Variants in PTPRF observed in about 807,000 individuals in gnomAD.
PTPRF encodes the protein protein tyrosine phosphatase receptor type F.
Under a neutral mutation model 201.8 loss-of-function variants are expected in PTPRF, and 59 were observed. That is an observed-to-expected ratio of 0.29 (90% confidence interval 0.24 to 0.36). PTPRF has a LOEUF of 0.36. Ranked by LOEUF, PTPRF falls within the 10% of genes least tolerant of loss-of-function variation. PTPRF has a pLI of 1.00. For missense variants in PTPRF, 2,132 were observed against 2,690.5 expected (o/e 0.79, Z 4.59); for synonymous variants, 1,088 against 1,089.7 (o/e 1.00, Z 0.03).
At chr1:43,620,052 G>T (rs1487105359) in intron 29 of PTPRF, 43 bp from the exon 30 acceptor site, 3 of 1,612,012 alleles carry the variant, frequency 1.9e-6, no homozygotes, top group Non-Finnish European at 1.7e-6. Context: ...AGACTCTAGG[G>T]GCAGCAGCAC....
chr1:43,606,271 AGCAGCG>A lies in PTPRF; in HGVS notation c.3518_3523del (p.Gln1173_Arg1174del), dbSNP rs776246354. 2.5e-6 allele frequency: 4 copies of A among 1,613,634 alleles called. No individual in the cohort carries two copies. The highest frequency in any genetic ancestry group is 1.7e-5 in the Admixed American group (1 of 59,984). On this transcript the variant is annotated inframe_deletion, in exon 20 of 34. Transcript: ENST00000359947. ...GAAGCCATCGAGCAAGGCGGAGAGG[AGCAGCG>A]GCGGCGGCGGCGGCAGGCAGAACGT... is the stretch of plus-strand genomic sequence containing the variant.
upstream of PTPRF, among the ~76,000 whole-genome samples, chr1:43,522,177 T>C (rs1642974009): frequency 6.6e-6 from 1 of 152,176 alleles, no homozygotes; most frequent in Non-Finnish European, 1.5e-5. Context: ...AATAAATCAC[T>C]TCATCTCAGG....
Position 43,604,073 on chromosome 1 carries a change from C to T in PTPRF, c.2921C>T (p.Thr974Ile). 1 of 1,614,234 alleles carries T rather than the reference C, an allele frequency of 6.2e-7. No homozygotes were observed. The highest frequency in any genetic ancestry group is 8.5e-7 in the Non-Finnish European group (1 of 1,180,046). ...LQNITTDTRF[T>I]LTGLKPDTTY... ...AACATCACGACAGACACCCGCTTTACCCTTACTGGCCTCAAGCCAGACACC... is the reference window on the plus strand; with the variant it reads ...AACATCACGACAGACACCCGCTTTATCCTTACTGGCCTCAAGCCAGACACC... The change falls in exon 16 of 34, where the codon ACC becomes ATC. Residue 974 changes from threonine (T) to isoleucine (I), a missense_variant. Physicochemically the swap from Thr to Ile is moderately conservative, Grantham distance 89. Around this residue, in one of 6 missense-constraint regions of PTPRF, gnomAD observed 818 missense variants for 915.3 expected, o/e 0.89. Transcript: ENST00000359947.
chr1:43,604,687 G>A (rs1344536443), intron 16 of PTPRF, among the ~76,000 whole-genome samples: 3 of 152,144 alleles, frequency 2.0e-5, no homozygotes, highest in Non-Finnish European at 2.9e-5. Context: ...GGCATCCCCC[G>A]CCCTGTTTGG....
At chr1:43,565,198 C>T (rs1450776775) in intron 5 of PTPRF, among the ~76,000 whole-genome samples, 2 of 152,144 alleles carry the variant, frequency 1.3e-5, no homozygotes, top group South Asian at 4.2e-4. Context: ...TGGAGTCAAA[C>T]CGATCAGCTC....
At chr1:43,565,243 C>T (rs1262023520) in intron 5 of PTPRF, among the ~76,000 whole-genome samples, 3 of 152,182 alleles carry the variant, frequency 2.0e-5, no homozygotes, top group African/African-American at 7.2e-5. Flanking sequence ...AAGCGCTCAT[C>T]CACTTCTGAA....
At chr1:43,562,670 C>T (rs2153981462) in intron 5 of PTPRF, among the ~76,000 whole-genome samples, 1 of 152,154 alleles carries the variant, frequency 6.6e-6, no homozygotes, top group South Asian at 2.1e-4. Context: ...TTTTGGCCTC[C>T]CAGAGTGCTG....
intron 3 of PTPRF, among the ~76,000 whole-genome samples, chr1:43,549,096 C>T (rs913596384): frequency 6.6e-6 from 1 of 152,324 alleles, no homozygotes; most frequent in African/African-American, 2.4e-5. Flanking sequence ...GTGCGGCCCC[C>T]GACCACTGTG....
chr1:43,558,414 G>A (rs555412234), intron 5 of PTPRF, among the ~76,000 whole-genome samples: 19 of 152,194 alleles, frequency 1.2e-4, no homozygotes, highest in African/African-American at 3.1e-4. Context: ...CCCCACAGCC[G>A]TGCCCTTTGC....
chr1:43,586,838 C>T (rs898315116), intron 7 of PTPRF, among the ~76,000 whole-genome samples: 7 of 152,188 alleles, frequency 4.6e-5, no homozygotes, highest in Admixed American at 6.5e-5. Context: ...GAGAGAAGGT[C>T]GCTTTTCTAA....
chr1:43,568,434 C>A lies in PTPRF; in HGVS notation c.380-1156C>A, dbSNP rs540929840. Among the ~76,000 whole-genome samples, 66 of 152,330 alleles carry A rather than the reference C, an allele frequency of 4.3e-4. 1 individual carries two copies. In the South Asian group the frequency reaches 0.013, roughly 30 times the overall value. ...CCAGTGGCTCAGCCCTTACTAGTTA[C>A]ACCAGCTAATATTCACTGGGAGTGA... On this transcript the variant is annotated intron_variant, in intron 5 of 33. Coordinates refer to ENST00000359947, the MANE Select transcript of PTPRF (RefSeq NM_002840.5).
At chr1:43,531,543 G>T (rs1385102984) in intron 1 of PTPRF, among the ~76,000 whole-genome samples, 2 of 146,626 alleles carry the variant, frequency 1.4e-5, no homozygotes, top group Non-Finnish European at 3.0e-5. Context: ...TCCAGGCCGC[G>T]CCCCCGCCCC....
At chr1:43,587,853 A>G (rs1293559985) in intron 7 of PTPRF, among the ~76,000 whole-genome samples, 3 of 152,088 alleles carry the variant, frequency 2.0e-5, no homozygotes, top group African/African-American at 7.2e-5. Context: ...CAAGCTTCCA[A>G]CTTCGGGGGC....
chr1:43,620,335 C>T, intron 30 of PTPRF, 114 bp downstream of exon 30: 1 of 1,539,786 alleles, frequency 6.5e-7, no homozygotes. Context: ...TGCTTGTCAG[C>T]ATGGCCTCAG....
intron 20 of PTPRF, 56 bp from the exon 21 acceptor site, chr1:43,606,758 A>AG: frequency 6.3e-7 from 1 of 1,588,628 alleles, no homozygotes; most frequent in Non-Finnish European, 8.6e-7. Flanking sequence ...TAATAGGCAG[A>AG]GGGTGGGGGG....
chr1:43,592,976 C>T (rs115078741), intron 11 of PTPRF, among the ~76,000 whole-genome samples: 330 of 152,304 alleles, frequency 2.2e-3, no homozygotes, highest in African/African-American at 7.7e-3. Flanking sequence ...CCTGCTTTGG[C>T]GGCTGTTTCT....
At chr1:43,620,393 C>G in intron 30 of PTPRF, 61 bp from the exon 31 acceptor site, 5 of 1,547,906 alleles carry the variant, frequency 3.2e-6, no homozygotes, top group Non-Finnish European at 4.4e-6. Context: ...TCCTGTGAAG[C>G]CTGGCACCCC....
Position 43,554,157 on chromosome 1 carries a change from T to C in PTPRF, c.379+216T>C, listed in dbSNP as rs2153973069. 6.6e-6 allele frequency among the ~76,000 whole-genome samples: 1 copy of C among 152,322 alleles called. No homozygotes were observed. The highest frequency in any genetic ancestry group is 1.9e-4 in the East Asian group (1 of 5,184). On this transcript the variant is annotated intron_variant, in intron 5 of 33. Transcript: ENST00000359947. The surrounding 1 kb of genome is among the most constrained non-coding windows in gnomAD (Gnocchi z 4.1). Reference sequence around the variant, plus strand: ...GGCCAGCCATGTGGGGCATGATGCCTTTGTATTCTCCTGCTGAGCCGGGTC... The same window carrying C: ...GGCCAGCCATGTGGGGCATGATGCCCTTGTATTCTCCTGCTGAGCCGGGTC...
chr1:43,574,303 G>A (rs994426724), intron 6 of PTPRF, among the ~76,000 whole-genome samples: 2 of 151,766 alleles, frequency 1.3e-5, no homozygotes, highest in East Asian at 1.9e-4. Flanking sequence ...GCCATTGTGT[G>A]GGTTATTTCT....
Sources: gnomAD v4.1 joint callset for allele counts (sites outside exome capture counted in the v4.1 genomes callset) on GRCh38, gnomAD v4.1.1 for gene constraint, gnomAD v4.1.1 regional missense constraint, Gnocchi (gnomAD v3.1) non-coding constraint, MANE v1.5 for transcripts, NCBI Gene and HGNC (gene_info 2026-07-23, HGNC 2026-07-21) for gene names.